The following PTCHD4 variants were observed in gnomAD, a reference collection of about 807,000 sequenced individuals.
PTCHD4 encodes patched domain containing 4, also known as patched domain-containing protein 4.
A neutral mutation model predicts 58.1 loss-of-function variants in PTCHD4; 33 were observed. That is an observed-to-expected ratio of 0.57 (90% confidence interval 0.43 to 0.76). The LOEUF is 0.76. Among genes scored for constraint, PTCHD4 ranks in the 30% least tolerant of loss-of-function variants. The probability of loss-of-function intolerance (pLI) is 0.00; values close to 1 mark genes in which losing one functional copy is unlikely to be tolerated. For missense variants in PTCHD4, 1,058 were observed against 1,027.1 expected, an observed-to-expected ratio of 1.03 and a Z score of -0.41; for synonymous variants, 478 against 409.6, an observed-to-expected ratio of 1.17 and a Z score of -2.02.
intron 4 of PTCHD4, among the ~76,000 whole-genome samples, chr6:47,885,271 G>T (rs7749952): frequency 0.67 from 101,826 of 151,768 alleles, 34,568 homozygotes; most frequent in East Asian, 0.78. Flanking sequence ...ATAATAAGGG[G>T]GTGTGTGTGT....
Position 47,864,432 on chromosome 6 carries a change from G to T in PTCHD4, c.*13871C>A, listed in dbSNP as rs568215096. Reference sequence around the variant, plus strand: ...CTTTGCATTTACTCTCTATGTGTCTGGCACATAGAAGATGTTTAAAATTCT... The same window carrying T: ...CTTTGCATTTACTCTCTATGTGTCTTGCACATAGAAGATGTTTAAAATTCT... On this transcript the variant is annotated 3_prime_UTR_variant, in exon 5 of 5. Transcript: ENST00000339488. 2.0e-3 allele frequency among the ~76,000 whole-genome samples: 302 copies of T among 151,894 alleles called. No individual in the cohort carries two copies. The highest frequency in any genetic ancestry group is 3.4e-3 in the Non-Finnish European group (230 of 67,866).
At chr6:48,059,702 G>A (rs1317725596) in intron 3 of PTCHD4, among the ~76,000 whole-genome samples, 1 of 152,042 alleles carries the variant, frequency 6.6e-6, no homozygotes, top group East Asian at 1.9e-4. Context: ...GGTCTGAGAT[G>A]TAACACAATC....
At chr6:48,066,807 A>C (rs3997192) in intron 3 of PTCHD4, among the ~76,000 whole-genome samples, 23,658 of 151,986 alleles carry the variant, frequency 0.16, 1,880 homozygotes, top group African/African-American at 0.2. Flanking sequence ...TTAAGAAAAA[A>C]AAAAAAAGCA....
At chr6:48,073,681 C>A (rs1765014118) in intron 1 of PTCHD4, among the ~76,000 whole-genome samples, 1 of 152,186 alleles carries the variant, frequency 6.6e-6, no homozygotes, top group African/African-American at 2.4e-5. Context: ...CCGCTGATGA[C>A]TTCAAAGTCC....
At chr6:47,911,658 C>T (rs1443603866) in intron 4 of PTCHD4, among the ~76,000 whole-genome samples, 1 of 152,084 alleles carries the variant, frequency 6.6e-6, no homozygotes, top group Non-Finnish European at 1.5e-5. Flanking sequence ...GGAAAGGGCT[C>T]TGAGGATGGC....
At chr6:47,915,831 CA>C (rs1765226074) in intron 4 of PTCHD4, among the ~76,000 whole-genome samples, 1 of 152,024 alleles carries the variant, frequency 6.6e-6, no homozygotes, top group Non-Finnish European at 1.5e-5. Context: ...AAATCAGTAA[CA>C]AAGGCTGCAA....
At chr6:48,023,508 A>G (rs939756877) in intron 3 of PTCHD4, among the ~76,000 whole-genome samples, 1 of 152,186 alleles carries the variant, frequency 6.6e-6, no homozygotes, top group African/African-American at 2.4e-5. Context: ...CTTAACTGCC[A>G]CCACTACATA....
At chr6:47,881,377 A>G (rs1316067027) in intron 4 of PTCHD4, among the ~76,000 whole-genome samples, 2 of 152,178 alleles carry the variant, frequency 1.3e-5, no homozygotes, top group Non-Finnish European at 2.9e-5. Flanking sequence ...GTTTTCAACT[A>G]GAGGTGTTTC....
In PTCHD4 at chr6:47,873,498, G is replaced by A. The variant is rs914362060; in HGVS notation, c.*4805C>T. Among the ~76,000 whole-genome samples, 11 of 151,674 alleles carry A rather than the reference G, an allele frequency of 7.3e-5. No homozygotes were observed. Among genetic ancestry groups the A allele is most frequent in the Admixed American group, 3.3e-4 (5 of 15,160 alleles). On this transcript the variant is annotated 3_prime_UTR_variant, in exon 5 of 5. Coordinates refer to ENST00000339488, the MANE Select transcript of PTCHD4 (RefSeq NM_001384253.1). ...TTGGTCCTTTAGTTGATAAATCAAG[G>A]TAATTTACTGCTGCTATACCCATAC...
At position 47,879,901 on chromosome 6, in the gene PTCHD4, C is replaced by T. The variant is rs749773206; in HGVS notation, c.934G>A (p.Gly312Arg). The change falls in exon 5 of 5, where the codon GGA becomes AGA. Residue 312 changes from glycine to arginine, a missense_variant. Coordinates refer to ENST00000339488, the MANE Select transcript of PTCHD4 (RefSeq NM_001384253.1). ...AAGTTCTCTTTGGTTCTCCGCCATC[C>T]GGACAGAAGCTCAAACACTCCTTTA... ...GTKGVFELLS[G>R]WRRTKENLPF... 33 of 1,571,224 alleles carry T rather than the reference C, an allele frequency of 2.1e-5. No individual in the cohort carries two copies. The highest frequency in any genetic ancestry group is 3.5e-5 in the South Asian group (3 of 86,088).
intron 4 of PTCHD4, among the ~76,000 whole-genome samples, chr6:47,982,614 G>T (rs1767925250): frequency 6.6e-6 from 1 of 150,414 alleles, no homozygotes; most frequent in South Asian, 2.1e-4. Flanking sequence ...TCAGCCTCCC[G>T]AGTAGCTGGG....
chr6:48,001,456 A>G (rs934324136), intron 4 of PTCHD4, among the ~76,000 whole-genome samples: 1 of 152,248 alleles, frequency 6.6e-6, no homozygotes, highest in Non-Finnish European at 1.5e-5. Context: ...ATAATGCCAC[A>G]TATCTACAAC....
At chr6:47,963,116 A>G (rs1051553248) in intron 4 of PTCHD4, among the ~76,000 whole-genome samples, 6 of 152,054 alleles carry the variant, frequency 3.9e-5, no homozygotes, top group Admixed American at 3.9e-4. Context: ...GCGACAGAGC[A>G]AGACTCCATC....
intron 4 of PTCHD4, among the ~76,000 whole-genome samples, chr6:47,935,669 G>T (rs1358766815): frequency 1.3e-5 from 2 of 151,824 alleles, no homozygotes; most frequent in Non-Finnish European, 2.9e-5. Context: ...TTCAATTTCT[G>T]TTATATATTC....
chr6:48,046,894 T>A (rs332578), intron 3 of PTCHD4, among the ~76,000 whole-genome samples: 130,963 of 151,776 alleles, frequency 0.86, 56,480 homozygotes, highest in Middle Eastern at 0.87. Context: ...GTAGATCAGG[T>A]TATATTCCTA....
chr6:48,025,369 A>C (rs1763206799), intron 3 of PTCHD4, among the ~76,000 whole-genome samples: 1 of 152,206 alleles, frequency 6.6e-6, no homozygotes, highest in African/African-American at 2.4e-5. Flanking sequence ...AATTTTTGAC[A>C]GCACCTGTTA....
At position 47,878,213 on chromosome 6, in the gene PTCHD4, G is replaced by T; in HGVS notation, c.*90C>A. Reference sequence around the variant, plus strand: ...GATCTGACTTGCCTTGTTACCCCTGGCCAGCCCAAGCAGCTGAGGTCTGAG... The same window carrying T: ...GATCTGACTTGCCTTGTTACCCCTGTCCAGCCCAAGCAGCTGAGGTCTGAG... On this transcript the variant is annotated 3_prime_UTR_variant, in exon 5 of 5. Transcript: ENST00000339488. The T allele has an allele frequency of 2.5e-6, 3 of 1,219,572 alleles. No homozygotes were observed. The highest frequency in any genetic ancestry group is 3.4e-6 in the Non-Finnish European group (3 of 870,082). The allele number at this position is 1,219,572 out of a possible 1,614,324, so 75.5% of individuals were successfully genotyped here. A position where few individuals can be genotyped will look rare whatever the true frequency, so the allele number is the denominator to read the frequency against.
In PTCHD4 at chr6:47,865,301, A is replaced by G. The variant is rs935782169; in HGVS notation, c.*13002T>C. ...TTATTTACTGAATTTAATTAATGCA[A>G]TATAAACCATTTTTCCCCAAGTTAG... On this transcript the variant is annotated 3_prime_UTR_variant, in exon 5 of 5. Coordinates refer to ENST00000339488, the MANE Select transcript of PTCHD4 (RefSeq NM_001384253.1). 6.6e-6 allele frequency among the ~76,000 whole-genome samples: 1 copy of G among 151,928 alleles called. No individual in the cohort carries two copies. Among genetic ancestry groups the G allele is most frequent in the Non-Finnish European group, 1.5e-5 (1 of 67,906 alleles).
At chr6:47,932,740 G>A (rs1447360794) in intron 4 of PTCHD4, among the ~76,000 whole-genome samples, 2 of 152,332 alleles carry the variant, frequency 1.3e-5, no homozygotes, top group Non-Finnish European at 2.9e-5. Flanking sequence ...ACAGTGTGAG[G>A]GTCAGGAGCA....
Sources: gnomAD v4.1 joint callset for allele counts (sites outside exome capture counted in the v4.1 genomes callset) on GRCh38, gnomAD v4.1.1 for gene constraint, MANE v1.5 for transcripts, NCBI Gene and HGNC (gene_info 2026-07-23, HGNC 2026-07-21) for gene names.